The following KCNK5 variants were observed in gnomAD, a reference collection of about 807,000 sequenced individuals.
The protein encoded by KCNK5 is potassium channel subfamily K member 5.
A neutral mutation model predicts 32.9 loss-of-function variants in KCNK5; 18 were observed. That is an observed-to-expected ratio of 0.55 (90% CI 0.38 to 0.81). The LOEUF (loss-of-function observed/expected upper bound fraction) is 0.81. Ranked by LOEUF, KCNK5 falls within the 30% of genes least tolerant of loss-of-function variation. KCNK5 has a pLI of 0.00. For synonymous variants in KCNK5, 276 were observed against 275.3 expected (o/e 1.00, Z -0.03); for missense variants, 507 against 651.0 (o/e 0.78, Z 2.41).
rs556141500 is a variant in KCNK5, at chr6:39,209,391, C to T, written c.187-13404G>A. 2.6e-5 allele frequency among the ~76,000 whole-genome samples: 4 copies of T among 152,310 alleles called. No individual in the cohort carries two copies. In the South Asian group the frequency reaches 8.3e-4, roughly 32 times the overall value. On this transcript the variant is annotated intron_variant, in intron 1 of 4. Transcript: ENST00000359534. ...TGCCTCTTCTGCCCTGTATGCATTG[C>T]CCCCGCCCACCATCCATCCCCAGCC...
rs569121061 is a variant in KCNK5, at chr6:39,218,369, T to C, written c.186+10557A>G. Among the ~76,000 whole-genome samples, 3 of 152,188 alleles carry C rather than the reference T, an allele frequency of 2.0e-5. No homozygotes were observed. The East Asian group carries it at 5.8e-4, about 29-fold the overall frequency. On this transcript the variant is annotated intron_variant, in intron 1 of 4. Transcript: ENST00000359534. ...TAAGCATGAGCCACCACGCCCAGCC[T>C]ATGGGCCATTTTAAAAGGGATTAGA...
rs139414203 is a variant in KCNK5 at position 39,218,514 on chromosome 6, G to C, written c.186+10412C>G. Among the ~76,000 whole-genome samples, 8 of 152,030 alleles carry C rather than the reference G, an allele frequency of 5.3e-5. No individual in the cohort carries two copies. In the East Asian group the frequency reaches 1.4e-3, roughly 26 times the overall value. On this transcript the variant is annotated intron_variant, in intron 1 of 4. Coordinates refer to ENST00000359534, the MANE Select transcript of KCNK5 (RefSeq NM_003740.4). The stretch of plus-strand genomic sequence containing the variant: ...CCCAGCTAATCCTCACCAGGCCTTG[G>C]TGTCCCCATCTAGTGAATGGGATGG...
In KCNK5 at chr6:39,222,190, C is replaced by T. The variant is rs144719652; in HGVS notation, c.186+6736G>A. On this transcript the variant is annotated intron_variant, in intron 1 of 4. Coordinates refer to ENST00000359534, the MANE Select transcript of KCNK5 (RefSeq NM_003740.4). Reference sequence around the variant, plus strand: ...TCTGGGAAGGTCACCAAACGGGAGACGGAATGTCTTTGGCTGGGCCAGGGA... The same window carrying T: ...TCTGGGAAGGTCACCAAACGGGAGATGGAATGTCTTTGGCTGGGCCAGGGA... Among the ~76,000 whole-genome samples, 448 of 152,250 alleles carry T rather than the reference C, an allele frequency of 2.9e-3. 3 individuals carry two copies. Among genetic ancestry groups the T allele is most frequent in the African/African-American group, 0.01 (418 of 41,542 alleles).
At chr6:39,192,392 CA>C (rs1278529242) in intron 4 of KCNK5, among the ~76,000 whole-genome samples, 1 of 150,826 alleles carries the variant, frequency 6.6e-6, no homozygotes, top group Admixed American at 6.6e-5. Context: ...AGAAACAGTT[CA>C]TGAGTATTTG....
At chr6:39,192,882 G>T (rs1051508964) in intron 4 of KCNK5, among the ~76,000 whole-genome samples, 1 of 152,184 alleles carries the variant, frequency 6.6e-6, no homozygotes, top group African/African-American at 2.4e-5. Flanking sequence ...GAGGAAGGGG[G>T]CTACCTCTCT....
At position 39,189,031 on chromosome 6, in the gene KCNK5, T is replaced by C. The variant is rs1049246253; in HGVS notation, c.*1859A>G. 2 of 152,274 alleles carry C rather than the reference T, an allele frequency of 1.3e-5. No individual in the cohort carries two copies. The highest frequency in any genetic ancestry group is 1.3e-4 in the Admixed American group (2 of 15,286). The allele number at this position is 152,274 out of a possible 1,614,324, so 9.4% of individuals were successfully genotyped here. A position where few individuals can be genotyped will look rare whatever the true frequency, so the allele number is the denominator to read the frequency against. ...TAAAATAAATTACATTTGACATCGT[T>C]GCCAGTATGTACATACAGTGTGCGC... On this transcript the variant is annotated 3_prime_UTR_variant, in exon 5 of 5. Coordinates refer to ENST00000359534, the MANE Select transcript of KCNK5 (RefSeq NM_003740.4).
At chr6:39,220,124 G>A (rs938372451) in intron 1 of KCNK5, among the ~76,000 whole-genome samples, 2 of 152,020 alleles carry the variant, frequency 1.3e-5, no homozygotes, top group Non-Finnish European at 2.9e-5. Context: ...GGCCAACAAG[G>A]CCCCTGGCAG....
At chr6:39,228,830 G>T (rs1330270173) in intron 1 of KCNK5, 96 bp downstream of exon 1, 3 of 1,245,104 alleles carry the variant, frequency 2.4e-6, no homozygotes, top group East Asian at 4.7e-5. Flanking sequence ...CACAGGGACT[G>T]AGGGTCACCC....
At chr6:39,224,079 A>C (rs1771606942) in intron 1 of KCNK5, among the ~76,000 whole-genome samples, 1 of 119,842 alleles carries the variant, frequency 8.3e-6, no homozygotes, top group African/African-American at 3.0e-5. Flanking sequence ...ACTAAGGCAG[A>C]CTAAGGCTTT....
Position 39,194,586 on chromosome 6 carries a change from G to A in KCNK5, c.465+8C>T. On this transcript the variant is annotated splice_region_variant and intron_variant, in intron 3 of 4. Coordinates refer to ENST00000359534, the MANE Select transcript of KCNK5 (RefSeq NM_003740.4). This position sits in a 1 kb window ranked among gnomAD's most constrained non-coding sequence, Gnocchi z 4.7. ...ATCTCTGCCCAACACCCAGGGTAGG[G>A]GACATACCAGACTCACACCTCTCTT... 1.9e-6 allele frequency: 3 copies of A among 1,613,958 alleles called. No individual in the cohort carries two copies. The highest frequency in any genetic ancestry group is 2.5e-6 in the Non-Finnish European group (3 of 1,179,932).
chr6:39,223,520 T>C (rs1562059273), intron 1 of KCNK5, among the ~76,000 whole-genome samples: 1 of 152,238 alleles, frequency 6.6e-6, no homozygotes, highest in Non-Finnish European at 1.5e-5. Context: ...ACCTATTTCA[T>C]GTGCTTTCCT....
At chr6:39,200,130 C>G (rs374582603) in intron 1 of KCNK5, among the ~76,000 whole-genome samples, 1 of 152,214 alleles carries the variant, frequency 6.6e-6, no homozygotes, top group African/African-American at 2.4e-5. Flanking sequence ...TCAGACAAGG[C>G]GTCCCGTCCT....
intron 1 of KCNK5, among the ~76,000 whole-genome samples, chr6:39,222,239 C>T (rs1211756921): frequency 6.6e-6 from 1 of 152,064 alleles, no homozygotes; most frequent in Non-Finnish European, 1.5e-5. Flanking sequence ...CTAAGGGGCT[C>T]GTAGTAGGAA....
chr6:39,221,488 CAAG>C (rs1298009185), intron 1 of KCNK5, among the ~76,000 whole-genome samples: 1 of 152,214 alleles, frequency 6.6e-6, no homozygotes. Context: ...AAAACTGGTT[CAAG>C]GAGACACAGG....
intron 1 of KCNK5, among the ~76,000 whole-genome samples, chr6:39,197,104 A>G (rs1371839352): frequency 6.6e-6 from 1 of 152,214 alleles, no homozygotes; most frequent in Non-Finnish European, 1.5e-5. Context: ...TGGGTAGGCC[A>G]TCCAGACCAG....
intron 1 of KCNK5, among the ~76,000 whole-genome samples, chr6:39,203,677 T>C (rs1771170860): frequency 6.6e-6 from 1 of 152,202 alleles, no homozygotes; most frequent in South Asian, 2.1e-4. Flanking sequence ...CAATGGGCAG[T>C]GGCTCTCGGT....
chr6:39,210,618 A>G (rs1384633398), intron 1 of KCNK5, among the ~76,000 whole-genome samples: 1 of 152,218 alleles, frequency 6.6e-6, no homozygotes, highest in Non-Finnish European at 1.5e-5. Flanking sequence ...TGATTCATCA[A>G]GTGTTTGCTG....
At chr6:39,216,847 G>A (rs1333341089) in intron 1 of KCNK5, among the ~76,000 whole-genome samples, 1 of 151,918 alleles carries the variant, frequency 6.6e-6, no homozygotes, top group Non-Finnish European at 1.5e-5. Context: ...TGCCGGGCGC[G>A]GTGGTGGCTC....
intron 1 of KCNK5, among the ~76,000 whole-genome samples, chr6:39,200,493 G>A (rs1411423380): frequency 6.6e-6 from 1 of 152,144 alleles, no homozygotes; most frequent in African/African-American, 2.4e-5. Flanking sequence ...AGGATTTGAG[G>A]CTTACAGAGG....
Sources: gnomAD v4.1 joint callset for allele counts (sites outside exome capture counted in the v4.1 genomes callset) on GRCh38, gnomAD v4.1.1 for gene constraint, Gnocchi (gnomAD v3.1) non-coding constraint, MANE v1.5 for transcripts, NCBI Gene and HGNC (gene_info 2026-07-23, HGNC 2026-07-21) for gene names.